Variants in PCDHA4 observed in about 807,000 individuals in gnomAD.
PCDHA4 encodes protocadherin alpha-4.
A neutral mutation model predicts 61.4 loss-of-function variants in PCDHA4; 49 were observed. The ratio of observed to expected loss-of-function variants is 0.80; its 90% CI spans 0.63 to 1.01. The LOEUF is 1.01. Among genes scored for constraint, PCDHA4 ranks in the 50% least tolerant of loss-of-function variants. The pLI, the probability that PCDHA4 is intolerant of heterozygous loss-of-function variation, is 0.00. For missense variants in PCDHA4, 1,254 were observed against 1,235.8 expected, an observed-to-expected ratio of 1.01 and a Z score of -0.22; for synonymous variants, 590 against 550.3, an observed-to-expected ratio of 1.07 and a Z score of -1.01.
intron 1 of PCDHA4, chr5:140,883,017 C>G: frequency 6.2e-7 from 1 of 1,614,054 alleles, no homozygotes. Context: ...TATAAAGTGA[C>G]GGTGTTAGAG....
At chr5:140,968,776 A>C in intron 1 of PCDHA4, 1 of 1,614,200 alleles carries the variant, frequency 6.2e-7, no homozygotes, top group Non-Finnish European at 8.5e-7. Flanking sequence ...AGCCATCACT[A>C]TCAGCCTCTG....
At chr5:140,830,384 C>A (rs1169733601) in intron 1 of PCDHA4, 1 of 1,614,156 alleles carries the variant, frequency 6.2e-7, no homozygotes, top group Non-Finnish European at 8.5e-7. Context: ...GGAGGGCCCA[C>A]CCAAGATGGA....
chr5:140,971,182 G>A (rs1158073557), intron 1 of PCDHA4, among the ~76,000 whole-genome samples: 7 of 152,110 alleles, frequency 4.6e-5, no homozygotes, highest in Admixed American at 1.3e-4. Flanking sequence ...GCTGTAAGCC[G>A]GAAGCTCAGA....
At chr5:140,996,933 T>G (rs2097753695) in intron 3 of PCDHA4, among the ~76,000 whole-genome samples, 1 of 152,186 alleles carries the variant, frequency 6.6e-6, no homozygotes, top group African/African-American at 2.4e-5. Flanking sequence ...ATATAGCATT[T>G]TTGCATAGAA....
chr5:140,841,900 G>A lies in PCDHA4; in HGVS notation c.2385+32328G>A. On this transcript the variant is annotated intron_variant, in intron 1 of 3. Coordinates refer to ENST00000530339, the MANE Select transcript of PCDHA4 (RefSeq NM_018907.4). ...AGAACGATGAGAATAAACTGGTTGA[G>A]CTCGTATTAAGAAAATCCTTGGACA... 4 of 1,613,856 alleles carry A rather than the reference G, an allele frequency of 2.5e-6. 1 individual carries two copies. Among genetic ancestry groups the A allele is most frequent in the Non-Finnish European group, 3.4e-6 (4 of 1,179,838 alleles).
In PCDHA4 at chr5:140,888,521, C is replaced by T. The variant is rs191011552; in HGVS notation, c.2385+78949C>T. ...TAAAGAGTCTTGGACTTAGTTCTGACGTGAAGTTAAGTTGCTCAGTACCAA... is the reference window on the plus strand; with the variant it reads ...TAAAGAGTCTTGGACTTAGTTCTGATGTGAAGTTAAGTTGCTCAGTACCAA... On this transcript the variant is annotated intron_variant, in intron 1 of 3. Transcript: ENST00000530339. Among the ~76,000 whole-genome samples, 432 of 152,260 alleles carry T rather than the reference C, an allele frequency of 2.8e-3. 2 individuals carry two copies. The highest frequency in any genetic ancestry group is 0.014 in the Middle Eastern group (4 of 292).
chr5:140,808,421 G>T lies in PCDHA4; in HGVS notation c.1234G>T (p.Ala412Ser), dbSNP rs1554124528. 1.2e-6 allele frequency: 2 copies of T among 1,614,156 alleles called. No homozygotes were observed. The highest frequency in any genetic ancestry group is 1.7e-6 in the Non-Finnish European group (2 of 1,180,050). ...TTACTACTCGTTGGTGCTGGACAGT[G>T]CCCTGGACCGCGAGAGCGTGTCAGC... is the stretch of plus-strand genomic sequence containing the variant. ...KNYYSLVLDS[A>S]LDRESVSAYE... Residue 412 changes from alanine (A) to serine (S), a missense_variant, in exon 1 of 4, where the codon GCC becomes TCC. Physicochemically the swap from Ala to Ser is moderately conservative, Grantham distance 99. Coordinates refer to ENST00000530339, the MANE Select transcript of PCDHA4 (RefSeq NM_018907.4).
intron 1 of PCDHA4, chr5:140,968,991 G>A: frequency 6.2e-7 from 1 of 1,614,208 alleles, no homozygotes; most frequent in East Asian, 2.2e-5. Context: ...ACTGCATGCT[G>A]TGGAGGCTTC....
At chr5:140,873,204 T>TAAAAG (rs2054159059) in intron 1 of PCDHA4, among the ~76,000 whole-genome samples, 1 of 152,168 alleles carries the variant, frequency 6.6e-6, no homozygotes, top group Non-Finnish European at 1.5e-5. Flanking sequence ...AAAACATTCT[T>TAAAAG]TAAGTATTAA....
intron 1 of PCDHA4, chr5:140,968,053 A>C: frequency 6.2e-7 from 1 of 1,614,154 alleles, no homozygotes; most frequent in Non-Finnish European, 8.5e-7. Flanking sequence ...CACTGGACCG[A>C]GAGCGGGTGG....
chr5:140,862,039 C>A (rs1554155581), intron 1 of PCDHA4: 1 of 155,382 alleles, frequency 6.4e-6, no homozygotes, highest in African/African-American at 2.4e-5. Context: ...GGGTTCAAAC[C>A]GTCACATTGT....
At chr5:140,891,285 G>T (rs1402021884) in intron 1 of PCDHA4, among the ~76,000 whole-genome samples, 1 of 152,102 alleles carries the variant, frequency 6.6e-6, no homozygotes, top group South Asian at 2.1e-4. Flanking sequence ...GTTATTGGGG[G>T]TACAGGTGGT....
chr5:140,823,627 C>A (rs1202244772), intron 1 of PCDHA4: 10 of 1,614,024 alleles, frequency 6.2e-6, no homozygotes, highest in Non-Finnish European at 8.5e-6. Flanking sequence ...TGGCAGTGCG[C>A]GCATCCCGTT....
intron 1 of PCDHA4, among the ~76,000 whole-genome samples, chr5:140,898,932 A>G (rs1330684874): frequency 6.6e-6 from 1 of 151,964 alleles, no homozygotes; most frequent in Admixed American, 6.6e-5. Flanking sequence ...ATTCCTAAGT[A>G]TTTTATTCTC....
chr5:140,864,909 A>G (rs1046704709), intron 1 of PCDHA4: 1 of 152,160 alleles, frequency 6.6e-6, no homozygotes, highest in Non-Finnish European at 1.5e-5. Flanking sequence ...TCAGAATGGC[A>G]TTGCTGAGCT....
rs2150489798 is a variant in PCDHA4, at chr5:140,850,571, G to T, written c.2385+40999G>T. 5 of 1,598,430 alleles carry T rather than the reference G, an allele frequency of 3.1e-6. No individual in the cohort carries two copies. In the East Asian group the frequency reaches 1.1e-4, roughly 36 times the overall value. ...TGGGTGCCACGGGCCCCGAGGTGAC[G>T]CTGGTGGATGTCAACGTGTACCTGA... On this transcript the variant is annotated intron_variant, in intron 1 of 3. Coordinates refer to ENST00000530339, the MANE Select transcript of PCDHA4 (RefSeq NM_018907.4).
intron 1 of PCDHA4, chr5:140,928,746 C>A (rs782813323): frequency 6.2e-7 from 1 of 1,614,130 alleles, no homozygotes. Context: ...TAGGTGAGCT[C>A]CGTACTGCTC....
chr5:140,828,250 G>C, intron 1 of PCDHA4: 2 of 1,613,982 alleles, frequency 1.2e-6, no homozygotes, highest in Non-Finnish European at 1.7e-6. Context: ...AGGACCTGGG[G>C]CTGGAGCTGG....
At chr5:140,893,498 A>G (rs1471386820) in intron 1 of PCDHA4, among the ~76,000 whole-genome samples, 2 of 151,410 alleles carry the variant, frequency 1.3e-5, no homozygotes, top group Admixed American at 6.6e-5. Flanking sequence ...CACAAAAAAG[A>G]AAAAAAAAGC....
Sources: allele counts gnomAD v4.1 joint callset (sites outside exome capture counted in the v4.1 genomes callset), GRCh38; gene constraint gnomAD v4.1.1; transcripts MANE v1.5; gene names NCBI Gene and HGNC (gene_info 2026-07-23, HGNC 2026-07-21).